Variants in PAFAH1B2 observed in about 807,000 individuals in gnomAD.
PAFAH1B2 encodes the protein platelet-activating factor acetylhydrolase IB subunit alpha2.
In PAFAH1B2, 8 loss-of-function variants were observed where a neutral mutation model predicts 28.0. The ratio of observed to expected loss-of-function variants is 0.29; its 90% CI spans 0.17 to 0.52. The LOEUF is 0.52. Ranked by LOEUF, PAFAH1B2 falls within the 20% of genes least tolerant of loss-of-function variation. The probability of loss-of-function intolerance (pLI) is 0.97; values close to 1 mark genes in which losing one functional copy is unlikely to be tolerated. For synonymous variants in PAFAH1B2, 104 were observed against 103.2 expected (o/e 1.01, Z -0.05); for missense variants, 190 against 282.6 (o/e 0.67, Z 2.35).
At position 117,166,533 on chromosome 11, in the gene PAFAH1B2, G is replaced by C. The variant is rs61905517; in HGVS notation, c.412-888G>C. Among the ~76,000 whole-genome samples, 3 of 152,214 alleles carry C rather than the reference G, an allele frequency of 2.0e-5. No individual in the cohort carries two copies. The East Asian group carries it at 5.8e-4, about 29-fold the overall frequency. ...ATCACATTACAATTATGAGGGCTGTGTGCAAACAGACTTTATGGTGTATTT... is the reference window on the plus strand; with the variant it reads ...ATCACATTACAATTATGAGGGCTGTCTGCAAACAGACTTTATGGTGTATTT... On this transcript the variant is annotated intron_variant, in intron 5 of 5. Coordinates refer to ENST00000527958, the MANE Select transcript of PAFAH1B2 (RefSeq NM_002572.4).
At chr11:117,155,860 C>A (rs192892548) in intron 2 of PAFAH1B2, among the ~76,000 whole-genome samples, 224 of 152,080 alleles carry the variant, frequency 1.5e-3, no homozygotes, top group African/African-American at 4.4e-3. Context: ...TCCCCTCACC[C>A]CCCAAAATAG....
intron 1 of PAFAH1B2, 56 bp from the exon 2 acceptor site, chr11:117,152,385 G>A (rs955006913): frequency 8.0e-6 from 8 of 998,484 alleles, no homozygotes; most frequent in Admixed American, 1.8e-5. Context: ...TAATATTTAA[G>A]TGGTAACAAA....
chr11:117,166,596 T>G (rs1956515917), intron 5 of PAFAH1B2, among the ~76,000 whole-genome samples: 1 of 152,228 alleles, frequency 6.6e-6, no homozygotes, highest in South Asian at 2.1e-4. Flanking sequence ...CTGGGCATGG[T>G]AGCTCATGCC....
Position 117,170,991 on chromosome 11 carries a change from A to G in PAFAH1B2, c.*3292A>G, listed in dbSNP as rs1956638330. ...CTTTGGCAAAGTTTCATTGACTAGT[A>G]GAACTCATTCTGTTTTAGTGTATAT... On this transcript the variant is annotated 3_prime_UTR_variant, in exon 6 of 6. Coordinates refer to ENST00000527958, the MANE Select transcript of PAFAH1B2 (RefSeq NM_002572.4). 1 of 1,047,598 alleles carries G rather than the reference A, an allele frequency of 9.5e-7. No individual in the cohort carries two copies. Among genetic ancestry groups the G allele is most frequent in the African/African-American group, 1.7e-5 (1 of 60,184 alleles). The allele number at this position is 1,047,598 out of a possible 1,614,324, so 64.9% of individuals were successfully genotyped here.
chr11:117,156,157 A>ACCCT (rs1171674157), intron 2 of PAFAH1B2, among the ~76,000 whole-genome samples: 1 of 152,160 alleles, frequency 6.6e-6, no homozygotes, highest in Non-Finnish European at 1.5e-5. Context: ...ACTGCACTCC[A>ACCCT]CCCTCGGTGA....
chr11:117,164,410 A>AAAG (rs1956451270), intron 5 of PAFAH1B2, among the ~76,000 whole-genome samples: 1 of 151,792 alleles, frequency 6.6e-6, no homozygotes, highest in African/African-American at 2.4e-5. Context: ...CCGTCTCAAA[A>AAAG]AAAAAAAGTA....
In PAFAH1B2 at chr11:117,157,037, AAG is replaced by A. The variant is rs1174284752; in HGVS notation, c.82-2895_82-2894del. On this transcript the variant is annotated intron_variant, in intron 2 of 5. Coordinates refer to ENST00000527958, the MANE Select transcript of PAFAH1B2 (RefSeq NM_002572.4). Reference sequence around the variant, plus strand: ...GAAACCCTGTCTCAAAATCTCAAAAAAGAAAAAAAAAAAGAAAGGTAGTTGGT... The same window carrying A: ...GAAACCCTGTCTCAAAATCTCAAAAAAAAAAAAAAAAGAAAGGTAGTTGGT... Among the ~76,000 whole-genome samples the A allele has an allele frequency of 4.8e-4, 71 of 147,574 alleles. 2 individuals carry two copies. Among genetic ancestry groups the A allele is most frequent in the Admixed American group, 6.7e-4 (10 of 14,990 alleles).
Position 117,169,438 on chromosome 11 carries a change from T to C in PAFAH1B2, c.*1739T>C. 1 of 1,053,078 alleles carries C rather than the reference T, an allele frequency of 9.5e-7. No individual in the cohort carries two copies. Among genetic ancestry groups the C allele is most frequent in the Non-Finnish European group, 1.1e-6 (1 of 871,830 alleles). The allele number at this position is 1,053,078 out of a possible 1,614,324, so 65.2% of individuals were successfully genotyped here. A position where few individuals can be genotyped will look rare whatever the true frequency, so the allele number is the denominator to read the frequency against. The stretch of plus-strand genomic sequence containing the variant: ...TGCTCTGCAGTGATTCCGCTTAATG[T>C]TTAAATTCAGTAACGTACTTGAAAG... On this transcript the variant is annotated 3_prime_UTR_variant, in exon 6 of 6. Transcript: ENST00000527958.
chr11:117,172,348 T>TTTTATATA (rs1956666953), downstream of PAFAH1B2, among the ~76,000 whole-genome samples: 1 of 91,234 alleles, frequency 1.1e-5, no homozygotes, highest in Non-Finnish European at 2.1e-5. Flanking sequence ...CATTCTAGCT[T>TTTTATATA]TATATATATA....
downstream of PAFAH1B2, chr11:117,175,938 TGAAA>T: frequency 1.3e-6 from 2 of 1,535,132 alleles, no homozygotes; most frequent in Non-Finnish European, 1.7e-6. Flanking sequence ...AGGATTACCA[TGAAA>T]GAAAAGTCCA....
In PAFAH1B2 at chr11:117,169,869, C is replaced by G. The variant is rs1956608952; in HGVS notation, c.*2170C>G. 1 of 1,054,912 alleles carries G rather than the reference C, an allele frequency of 9.5e-7. No homozygotes were observed. The highest frequency in any genetic ancestry group is 4.6e-5 in the South Asian group (1 of 21,906). 65.3% of individuals were successfully genotyped at this position (1,054,912 alleles called of 1,614,324 possible). A position where few individuals can be genotyped will look rare whatever the true frequency, so the allele number is the denominator to read the frequency against. ...AGGTGGGAGTATGGTCCAAATAAAT[C>G]CATTAGGTTACTCCTGCAGCATGCG... On this transcript the variant is annotated 3_prime_UTR_variant, in exon 6 of 6. Transcript: ENST00000527958.
downstream of PAFAH1B2, among the ~76,000 whole-genome samples, chr11:117,172,385 TATATATATATATATATA>T (rs1956684159): frequency 0.022 from 51 of 2,274 alleles, 2 homozygotes; most frequent in South Asian, 0.12. Flanking sequence ...TATATATATA[TATATATATATATATATA>T]TATTTTTTTT....
Position 117,158,846 on chromosome 11 carries a change from T to C in PAFAH1B2, c.82-1088T>C, listed in dbSNP as rs946877708. Among the ~76,000 whole-genome samples, 30 of 152,068 alleles carry C rather than the reference T, an allele frequency of 2.0e-4. 1 individual carries two copies. Among genetic ancestry groups the C allele is most frequent in the Non-Finnish European group, 3.7e-4 (25 of 67,990 alleles). On this transcript the variant is annotated intron_variant, in intron 2 of 5. Transcript: ENST00000527958. ...TATTATTAGAGGCGGGGTTTCACCA[T>C]GTTGGCTGGGCTGGTCTCGAACTCC... is the stretch of plus-strand genomic sequence containing the variant.
intron 5 of PAFAH1B2, among the ~76,000 whole-genome samples, chr11:117,165,763 A>G (rs952026774): frequency 4.6e-5 from 7 of 152,146 alleles, no homozygotes; most frequent in Non-Finnish European, 7.3e-5. Flanking sequence ...TTGTTGGGTG[A>G]GCAGAGGAGG....
intron 4 of PAFAH1B2, among the ~76,000 whole-genome samples, chr11:117,163,419 C>T (rs1956420862): frequency 6.6e-6 from 1 of 152,096 alleles, no homozygotes; most frequent in Admixed American, 6.5e-5. Context: ...CACCTGTAAT[C>T]CCAGCACTTT....
chr11:117,171,063 G>C, downstream of PAFAH1B2: 1 of 1,025,552 alleles, frequency 9.8e-7, no homozygotes, highest in Non-Finnish European at 1.2e-6. Context: ...GTGTCTTTCT[G>C]TCTCCTTTAT....
At position 117,170,252 on chromosome 11, in the gene PAFAH1B2, G is replaced by C; in HGVS notation, c.*2553G>C. On this transcript the variant is annotated 3_prime_UTR_variant, in exon 6 of 6. Coordinates refer to ENST00000527958, the MANE Select transcript of PAFAH1B2 (RefSeq NM_002572.4). Reference sequence around the variant, plus strand: ...ACTGTCCAAGTGAAATGTCCTAGTTGTCATTGTGATTAAGGGGCCAACTTT... The same window carrying C: ...ACTGTCCAAGTGAAATGTCCTAGTTCTCATTGTGATTAAGGGGCCAACTTT... 1 of 1,061,468 alleles carries C rather than the reference G, an allele frequency of 9.4e-7. No individual in the cohort carries two copies. The highest frequency in any genetic ancestry group is 1.1e-6 in the Non-Finnish European group (1 of 877,220). The allele number at this position is 1,061,468 out of a possible 1,614,324, so 65.8% of individuals were successfully genotyped here.
intron 2 of PAFAH1B2, among the ~76,000 whole-genome samples, chr11:117,158,656 T>A (rs1956306639): frequency 6.7e-6 from 1 of 149,788 alleles, no homozygotes; most frequent in South Asian, 2.1e-4. Context: ...TTTTTTTTTT[T>A]TTTTTAAGAT....
chr11:117,165,287 T>C (rs1956480158), intron 5 of PAFAH1B2, among the ~76,000 whole-genome samples: 1 of 146,310 alleles, frequency 6.8e-6, no homozygotes, highest in African/African-American at 2.5e-5. Context: ...GAGGTGGAGG[T>C]TGCAGTGAGC....
Sources: allele counts gnomAD v4.1 joint callset (sites outside exome capture counted in the v4.1 genomes callset), GRCh38; gene constraint gnomAD v4.1.1; transcripts MANE v1.5; gene names NCBI Gene and HGNC (gene_info 2026-07-23, HGNC 2026-07-21).